CERKL: variants seen among roughly 807,000 people sequenced by gnomAD.
The protein encoded by CERKL is ceramide kinase-like protein.
CERKL carries 61 observed loss-of-function variants against 63.4 expected under a neutral mutation model. The ratio of observed to expected loss-of-function variants is 0.96; its 90% CI spans 0.78 to 1.19. The LOEUF is 1.19. Ranked by LOEUF, CERKL falls within the 50% of genes most tolerant of loss-of-function variation. The probability of loss-of-function intolerance (pLI) is 0.00; values close to 1 mark genes in which losing one functional copy is unlikely to be tolerated. For synonymous variants in CERKL, 250 were observed against 230.5 expected (o/e 1.08, Z -0.77); for missense variants, 675 against 655.5 (o/e 1.03, Z -0.33).
intron 2 of CERKL, among the ~76,000 whole-genome samples, chr2:181,582,274 A>T (rs979430743): frequency 1.3e-5 from 2 of 152,154 alleles, no homozygotes; most frequent in African/African-American, 2.4e-5. Context: ...TGTATCATGC[A>T]GAACCATCTC....
intron 1 of CERKL, among the ~76,000 whole-genome samples, chr2:181,616,477 G>A (rs1273097770): frequency 3.3e-5 from 5 of 152,048 alleles, no homozygotes; most frequent in African/African-American, 1.2e-4. Flanking sequence ...CTCCCAAAGT[G>A]TTGGGATTAC....
chr2:181,539,368 G>A lies in CERKL; in HGVS notation c.1366-104C>T, dbSNP rs145746306. On this transcript the variant is annotated intron_variant, in intron 11 of 12. Coordinates refer to ENST00000410087, the MANE Select transcript of CERKL (RefSeq NM_201548.5). ...CTCACAAGTAAATATCAGCATGTAT[G>A]CTGACATTTTAATAGCTTTGAGACT... The A allele has an allele frequency of 5.2e-5, 39 of 747,586 alleles. No individual in the cohort carries two copies. The African/African-American group carries it at 5.8e-4, about 11-fold the overall frequency. 46.3% of individuals were successfully genotyped at this position (747,586 alleles called of 1,614,324 possible). A position where few individuals can be genotyped will look rare whatever the true frequency, so the allele number is the denominator to read the frequency against.
chr2:181,591,811 T>C (rs886341731), intron 2 of CERKL, among the ~76,000 whole-genome samples: 3 of 152,186 alleles, frequency 2.0e-5, no homozygotes, highest in African/African-American at 7.2e-5. Context: ...TACAAGAGTC[T>C]ACAAGGTATG....
At chr2:181,600,212 AC>A (rs1431282729) in intron 2 of CERKL, among the ~76,000 whole-genome samples, 1 of 152,256 alleles carries the variant, frequency 6.6e-6, no homozygotes, top group Non-Finnish European at 1.5e-5. Context: ...GGAGTTCTAA[AC>A]ATGGAAACAA....
intron 2 of CERKL, among the ~76,000 whole-genome samples, chr2:181,575,966 C>T (rs2105850065): frequency 6.6e-6 from 1 of 152,270 alleles, no homozygotes; most frequent in Non-Finnish European, 1.5e-5. Flanking sequence ...GGCTTCTCTG[C>T]TCACACTTTA....
At chr2:181,623,693 G>A (rs915195776) in intron 1 of CERKL, among the ~76,000 whole-genome samples, 2 of 152,040 alleles carry the variant, frequency 1.3e-5, no homozygotes, top group African/African-American at 4.8e-5. Flanking sequence ...TGCTGTGTAG[G>A]TACGGGTCTA....
intron 8 of CERKL, chr2:181,548,309 C>T (rs971410027): frequency 6.5e-5 from 35 of 536,762 alleles, no homozygotes; most frequent in Non-Finnish European, 8.8e-5. Context: ...AAAAAGAGAA[C>T]GGAAGGAGGG....
At chr2:181,547,996 C>CGA in intron 8 of CERKL, 149 bp from the exon 9 acceptor site, 1 of 735,252 alleles carries the variant, frequency 1.4e-6, no homozygotes, top group Non-Finnish European at 2.2e-6. Context: ...TAAGTAAAAA[C>CGA]GTACAATTTT....
intron 1 of CERKL, among the ~76,000 whole-genome samples, chr2:181,637,906 T>C (rs985726029): frequency 6.6e-6 from 1 of 151,988 alleles, no homozygotes; most frequent in Non-Finnish European, 1.5e-5. Flanking sequence ...GTGTACACTC[T>C]ATGAACAAAA....
chr2:181,622,993 T>C (rs1383928667), intron 1 of CERKL, among the ~76,000 whole-genome samples: 1 of 152,182 alleles, frequency 6.6e-6, no homozygotes, highest in Non-Finnish European at 1.5e-5. Context: ...AAGACAAATA[T>C]CATTATGATA....
At chr2:181,650,227 A>G (rs1687868287) in intron 1 of CERKL, 1 of 152,258 alleles carries the variant, frequency 6.6e-6, no homozygotes, top group African/African-American at 2.4e-5. Flanking sequence ...TGACAACTTC[A>G]CAAATCATGG....
chr2:181,565,315 C>T (rs533051482), intron 4 of CERKL: 127 of 739,770 alleles, frequency 1.7e-4, no homozygotes, highest in South Asian at 1.4e-3. Flanking sequence ...TATCTACTCA[C>T]GTAAAAAGAA....
intron 3 of CERKL, among the ~76,000 whole-genome samples, chr2:181,569,446 C>G (rs78588214): frequency 2.0e-4 from 31 of 152,094 alleles, no homozygotes; most frequent in African/African-American, 7.0e-4. Flanking sequence ...TGGAAGGCTT[C>G]AAGTAGAGCC....
At position 181,537,460 on chromosome 2, in the gene CERKL, C is replaced by T. The variant is rs1687200726; in HGVS notation, c.*724G>A. The T allele has an allele frequency of 2.2e-6, 1 of 448,932 alleles. No homozygotes were observed. Among genetic ancestry groups the T allele is most frequent in the South Asian group, 1.6e-5 (1 of 63,984 alleles). The allele number at this position is 448,932 out of a possible 1,614,324, so 27.8% of individuals were successfully genotyped here. ...TTGTATCATGAATTTTAAAACCCTA[C>T]CACTTTAAGAAGACAGGGATGGGTT... On this transcript the variant is annotated 3_prime_UTR_variant, in exon 13 of 13. Coordinates refer to ENST00000410087, the MANE Select transcript of CERKL (RefSeq NM_201548.5).
chr2:181,570,036 T>C (rs1351620913), intron 3 of CERKL, among the ~76,000 whole-genome samples: 2 of 152,188 alleles, frequency 1.3e-5, no homozygotes, highest in Non-Finnish European at 2.9e-5. Context: ...TTTGAAAGTA[T>C]GAAATATTTT....
intron 1 of CERKL, 114 bp from the exon 2 acceptor site, chr2:181,604,193 A>C: frequency 5.0e-6 from 4 of 800,912 alleles, no homozygotes; most frequent in South Asian, 4.7e-5. Context: ...ATCAAGAAAA[A>C]TAACTAATGG....
At chr2:181,604,956 CAAAGTA>C (rs1274320521) in intron 1 of CERKL, among the ~76,000 whole-genome samples, 1 of 152,132 alleles carries the variant, frequency 6.6e-6, no homozygotes, top group Non-Finnish European at 1.5e-5. Context: ...AATTGACTCT[CAAAGTA>C]GAAGTGTTTT....
chr2:181,604,033 G>T lies in CERKL; in HGVS notation c.285C>A (p.Leu95=). The part of the protein sequence containing the change: ...DLLCKEEFIE[L]KDIFSVKLKR... ...TCAGTTTCACAGAGAATATGTCTTT[G>T]AGTTCAATAAATTCTTCTTTACATA... The change falls in exon 2 of 13, where the codon CTC becomes CTA. Residue 95 remains leucine, a synonymous_variant. Transcript: ENST00000410087. 1 of 1,608,160 alleles carries T rather than the reference G, an allele frequency of 6.2e-7. No individual in the cohort carries two copies.
Position 181,656,942 on chromosome 2 carries a change from G to A in CERKL, c.65C>T (p.Pro22Leu). Residue 22 changes from proline to leucine, a missense_variant, in exon 1 of 13, where the codon CCC becomes CTC. Transcript: ENST00000410087. ...ALEGGREEEA[P>L]PEAAAVPPAL... ...CGGAGGCACAGCGGCAGCCTCCGGG[G>A]GCGCCTCTTCCTCCCGGCCGCCCTC... 3 of 1,588,082 alleles carry A rather than the reference G, an allele frequency of 1.9e-6. No homozygotes were observed. The highest frequency in any genetic ancestry group is 2.6e-6 in the Non-Finnish European group (3 of 1,166,472).
Sources: gnomAD v4.1 joint callset for allele counts (sites outside exome capture counted in the v4.1 genomes callset) on GRCh38, gnomAD v4.1.1 for gene constraint, MANE v1.5 for transcripts, NCBI Gene and HGNC (gene_info 2026-07-23, HGNC 2026-07-21) for gene names.